SIPA1L1: variants seen among roughly 807,000 people sequenced by gnomAD.
SIPA1L1 encodes the protein signal-induced proliferation-associated 1-like protein 1.
In SIPA1L1, 26 loss-of-function variants were observed where a neutral mutation model predicts 162.7. The observed-to-expected ratio is 0.16, with a 90% CI of 0.12 to 0.22. The LOEUF is 0.22. SIPA1L1 is among the 10% of genes least tolerant of loss of function. The pLI, the probability that SIPA1L1 is intolerant of heterozygous loss-of-function variation, is 1.00. For missense variants in SIPA1L1, 1,874 were observed against 2,241.0 expected, an observed-to-expected ratio of 0.84 and a Z score of 3.31; for synonymous variants, 829 against 837.4, an observed-to-expected ratio of 0.99 and a Z score of 0.17.
chr14:71,676,717 C>T (rs975620753), intron 12 of SIPA1L1, among the ~76,000 whole-genome samples: 1 of 146,806 alleles, frequency 6.8e-6, no homozygotes, highest in Non-Finnish European at 1.5e-5. Flanking sequence ...TGAGTAAGAA[C>T]ATGTGGTGTT....
intron 16 of SIPA1L1, among the ~76,000 whole-genome samples, chr14:71,707,841 G>A (rs1439512197): frequency 6.6e-6 from 1 of 151,760 alleles, no homozygotes. Flanking sequence ...AATTGCAGCT[G>A]TTTTCCCATA....
chr14:71,542,349 T>TTC (rs2054480594), intron 4 of SIPA1L1, among the ~76,000 whole-genome samples: 1 of 114,210 alleles, frequency 8.8e-6, no homozygotes, highest in Non-Finnish European at 1.9e-5. Context: ...TCCTCCTTCT[T>TTC]TCCTCTTTCT....
chr14:71,544,300 ATG>A (rs559584930), intron 4 of SIPA1L1, among the ~76,000 whole-genome samples: 211 of 148,796 alleles, frequency 1.4e-3, no homozygotes, highest in Non-Finnish European at 2.5e-3. Flanking sequence ...CATATATATC[ATG>A]TGTGTATATA....
chr14:71,734,246 C>T (rs76126344), intron 21 of SIPA1L1, among the ~76,000 whole-genome samples: 2,255 of 152,348 alleles, frequency 0.015, 36 homozygotes, highest in Non-Finnish European at 0.025. Flanking sequence ...TCTCCGTGCG[C>T]GGTAGCGCGT....
chr14:71,654,418 A>C (rs1044417613), intron 8 of SIPA1L1, among the ~76,000 whole-genome samples: 2 of 152,186 alleles, frequency 1.3e-5, no homozygotes, highest in Non-Finnish European at 1.5e-5. Flanking sequence ...TTAGCTACGT[A>C]CGTGGATTAT....
chr14:71,554,172 C>T (rs1203857477), intron 4 of SIPA1L1, among the ~76,000 whole-genome samples: 1 of 152,014 alleles, frequency 6.6e-6, no homozygotes, highest in African/African-American at 2.4e-5. Context: ...GTTTAAGATA[C>T]AGTATTTTTT....
intron 2 of SIPA1L1, among the ~76,000 whole-genome samples, chr14:71,339,890 T>C (rs761757108): frequency 5.8e-4 from 88 of 152,332 alleles, no homozygotes; most frequent in Non-Finnish European, 1.1e-3. Flanking sequence ...AGCCAGGATA[T>C]TGAGTTCCTG....
chr14:71,374,722 T>C (rs2039220943), intron 2 of SIPA1L1, among the ~76,000 whole-genome samples: 1 of 149,318 alleles, frequency 6.7e-6, no homozygotes, highest in Non-Finnish European at 1.5e-5. Flanking sequence ...CTGTTTCTAG[T>C]CGCATTCACT....
In SIPA1L1 at chr14:71,517,217, T is replaced by C. The variant is rs149319383; in HGVS notation, c.-362+4372T>C. Among the ~76,000 whole-genome samples the C allele has an allele frequency of 2.6e-5, 4 of 152,238 alleles. No individual in the cohort carries two copies. The East Asian group carries it at 7.7e-4, about 29-fold the overall frequency. ...CATAATTGTATATGTCTTGGAAACA[T>C]CTAGAATACCTAGTACAAAACTTTT... On this transcript the variant is annotated intron_variant, in intron 3 of 23. Coordinates refer to ENST00000381232, the MANE Select transcript of SIPA1L1 (RefSeq NM_001386936.1).
intron 2 of SIPA1L1, among the ~76,000 whole-genome samples, chr14:71,322,934 C>CA (rs1325336406): frequency 1.3e-5 from 2 of 152,186 alleles, no homozygotes; most frequent in African/African-American, 4.8e-5. Context: ...TCTGAAGTAT[C>CA]AGTCAGTGAT....
At chr14:71,636,767 C>T (rs962200018) in intron 7 of SIPA1L1, among the ~76,000 whole-genome samples, 12 of 152,050 alleles carry the variant, frequency 7.9e-5, no homozygotes, top group Non-Finnish European at 1.5e-4. Flanking sequence ...TCTGGCCAGG[C>T]GAGGTGGCTC....
At position 71,692,945 on chromosome 14, in the gene SIPA1L1, G is replaced by A. The variant is rs761080983; in HGVS notation, c.3375-6036G>A. Among the ~76,000 whole-genome samples the A allele has an allele frequency of 9.9e-5, 15 of 152,232 alleles. No homozygotes were observed. The South Asian group carries it at 2.9e-3, about 29-fold the overall frequency. ...TACGCTACTGGGAGTGTGTGGCAGT[G>A]GGCAAGGTCCTGTCCTTCTGCACTT... On this transcript the variant is annotated intron_variant, in intron 13 of 23. Transcript: ENST00000381232.
chr14:71,674,721 C>T (rs992719490), intron 12 of SIPA1L1, among the ~76,000 whole-genome samples: 6 of 151,746 alleles, frequency 4.0e-5, no homozygotes, highest in Non-Finnish European at 5.9e-5. Context: ...CCCGCCACTA[C>T]GCCCGGCTAA....
intron 7 of SIPA1L1, among the ~76,000 whole-genome samples, chr14:71,624,547 A>G (rs1013362483): frequency 2.0e-5 from 3 of 152,216 alleles, no homozygotes; most frequent in Non-Finnish European, 4.4e-5. Flanking sequence ...AATCATAATA[A>G]TGTTGTGTTA....
At chr14:71,417,747 G>A (rs1009659023) in intron 2 of SIPA1L1, among the ~76,000 whole-genome samples, 3 of 151,916 alleles carry the variant, frequency 2.0e-5, no homozygotes, top group African/African-American at 7.3e-5. Context: ...GTTCAAACTC[G>A]TATTGTTGAA....
intron 2 of SIPA1L1, among the ~76,000 whole-genome samples, chr14:71,508,776 C>T (rs1283463602): frequency 4.0e-5 from 6 of 151,872 alleles, no homozygotes; most frequent in Non-Finnish European, 7.4e-5. Flanking sequence ...TTTAGGTATT[C>T]TTGAGTTCAG....
intron 2 of SIPA1L1, among the ~76,000 whole-genome samples, chr14:71,442,772 A>G (rs1217483284): frequency 1.3e-5 from 2 of 152,140 alleles, no homozygotes; most frequent in Non-Finnish European, 2.9e-5. Flanking sequence ...TATAAAAAAA[A>G]TAATAAAATA....
intron 2 of SIPA1L1, among the ~76,000 whole-genome samples, chr14:71,333,966 A>T (rs1346067257): frequency 1.3e-5 from 2 of 152,170 alleles, no homozygotes; most frequent in Non-Finnish European, 2.9e-5. Flanking sequence ...GATGATGTGG[A>T]GTGTGACAAA....
intron 17 of SIPA1L1, among the ~76,000 whole-genome samples, chr14:71,714,261 A>G (rs1299668160): frequency 2.0e-5 from 3 of 152,198 alleles, no homozygotes; most frequent in Admixed American, 6.5e-5. Flanking sequence ...AAAGACTGAA[A>G]AATAGAACCA....
Sources: gnomAD v4.1 joint callset for allele counts (sites outside exome capture counted in the v4.1 genomes callset) on GRCh38, gnomAD v4.1.1 for gene constraint, MANE v1.5 for transcripts, NCBI Gene and HGNC (gene_info 2026-07-23, HGNC 2026-07-21) for gene names.